The following UNKL variants were observed in gnomAD, a reference collection of about 807,000 sequenced individuals.
The protein encoded by UNKL is putative E3 ubiquitin-protein ligase UNKL.
UNKL carries 60 observed loss-of-function variants against 78.0 expected under a neutral mutation model. That is an observed-to-expected ratio of 0.77 (90% CI 0.63 to 0.95). UNKL has a LOEUF of 0.95. Among genes scored for constraint, UNKL ranks in the 40% least tolerant of loss-of-function variants. UNKL has a pLI of 0.00. For missense variants in UNKL, 1,159 were observed against 1,045.7 expected, an observed-to-expected ratio of 1.11 and a Z score of -1.49; for synonymous variants, 608 against 474.8, an observed-to-expected ratio of 1.28 and a Z score of -3.65.
rs374937075 is a variant in UNKL, at chr16:1,411,549, G to A, written c.287+2297C>T. ...CCTGTCTCAAAAAACAAAAACAGCC[G>A]GGCGCGGTGGCTCATGCCTGTAATC... On this transcript the variant is annotated intron_variant, in intron 2 of 14. Coordinates refer to ENST00000389221, the MANE Select transcript of UNKL (RefSeq NM_001372107.1). Among the ~76,000 whole-genome samples the A allele has an allele frequency of 1.6e-4, 25 of 151,784 alleles. 1 individual carries two copies. The South Asian group carries it at 3.7e-3, about 23-fold the overall frequency.
At chr16:1,386,670 C>G (rs8057170) in intron 9 of UNKL, among the ~76,000 whole-genome samples, 140,221 of 152,268 alleles carry the variant, frequency 0.92, 64,663 homozygotes, top group East Asian at 1. Context: ...TAGTTTGTCT[C>G]CTTAAGTAAA....
intron 10 of UNKL, 103 bp downstream of exon 10, chr16:1,385,105 G>T: frequency 1.0e-6 from 1 of 958,182 alleles, no homozygotes; most frequent in South Asian, 5.0e-5. Context: ...CTACAAAAAT[G>T]ACGATTCTGT....
In UNKL at chr16:1,371,537, G is replaced by C. The variant is rs1256959589; in HGVS notation, c.1339C>G (p.His447Asp). The C allele has an allele frequency of 6.5e-7, 1 of 1,536,202 alleles. No individual in the cohort carries two copies. The highest frequency in any genetic ancestry group is 1.2e-5 in the South Asian group (1 of 84,060). The change falls in exon 11 of 15, where the codon CAC (histidine) becomes GAC (aspartate). Residue 447 changes from histidine to aspartate, a missense_variant. His to Asp is a moderately conservative substitution (Grantham distance 81, BLOSUM62 -1). Transcript: ENST00000389221. The part of the protein sequence containing the change: ...LEKDLEEQDG[H>D]DLGAAGPRSL... Reference sequence around the variant, plus strand: ...CCCTCACCTGCTGCTCCCAGGTCGTGGCCGTCTTGCTCTTCCAGGTCCTTC... The same window carrying C: ...CCCTCACCTGCTGCTCCCAGGTCGTCGCCGTCTTGCTCTTCCAGGTCCTTC...
chr16:1,409,201 C>A (rs936300782), intron 2 of UNKL, among the ~76,000 whole-genome samples: 2 of 152,152 alleles, frequency 1.3e-5, no homozygotes, highest in Non-Finnish European at 2.9e-5. Context: ...CGTGAGCCAC[C>A]GCGCCCAGCC....
At position 1,374,219 on chromosome 16, in the gene UNKL, T is replaced by C. The variant is rs186655315; in HGVS notation, c.1265-2608A>G. 3.2e-3 allele frequency among the ~76,000 whole-genome samples: 493 copies of C among 151,774 alleles called. 9 individuals carry two copies. The highest frequency in any genetic ancestry group is 5.6e-3 in the Non-Finnish European group (381 of 67,860). ...GTGGGGCACACCACACAGGGACTGT[T>C]GCGCAGGCGCCCTCCCCGCTGCCCA... On this transcript the variant is annotated intron_variant, in intron 10 of 14. Transcript: ENST00000389221.
At chr16:1,401,825 G>T in intron 3 of UNKL, 124 bp from the exon 4 acceptor site, 1 of 1,358,974 alleles carries the variant, frequency 7.4e-7, no homozygotes, top group Non-Finnish European at 9.8e-7. Context: ...AAGGGTTCAG[G>T]ACGGAGTCTC....
chr16:1,375,012 G>A (rs567093112), intron 10 of UNKL, among the ~76,000 whole-genome samples: 10 of 152,322 alleles, frequency 6.6e-5, no homozygotes, highest in Admixed American at 5.2e-4. Context: ...CCAGGCCTCC[G>A]CTTCTCCTCC....
At chr16:1,370,911 G>C (rs993015014) in intron 11 of UNKL, among the ~76,000 whole-genome samples, 1 of 152,026 alleles carries the variant, frequency 6.6e-6, no homozygotes, top group African/African-American at 2.4e-5. Context: ...GTGAAACCCC[G>C]TCTCTATTAA....
chr16:1,394,272 C>T (rs573110673), intron 6 of UNKL, 57 bp from the exon 7 acceptor site: 1 of 1,525,360 alleles, frequency 6.6e-7, no homozygotes, highest in East Asian at 2.5e-5. Flanking sequence ...TGTGGAAAGA[C>T]CACAGCTGGC....
At chr16:1,391,512 G>A (rs935396982) in intron 8 of UNKL, among the ~76,000 whole-genome samples, 8 of 152,026 alleles carry the variant, frequency 5.3e-5, no homozygotes, top group Admixed American at 2.0e-4. Flanking sequence ...TTGCCTAGGC[G>A]GGTCTCGAAC....
chr16:1,403,463 GA>G lies in UNKL; in HGVS notation c.288-120del. 2.4e-6 allele frequency: 3 copies of G among 1,239,298 alleles called. No homozygotes were observed. Among genetic ancestry groups the G allele is most frequent in the Non-Finnish European group, 3.3e-6 (3 of 901,722 alleles). The allele number at this position is 1,239,298 out of a possible 1,614,324, so 76.8% of individuals were successfully genotyped here. On this transcript the variant is annotated intron_variant, in intron 2 of 14. Transcript: ENST00000389221. This position sits in a 1 kb window ranked among gnomAD's most constrained non-coding sequence, Gnocchi z 4.8. The stretch of plus-strand genomic sequence containing the variant: ...CAGTGAATTCCCTTCCCTTCTTCCA[GA>G]TTCCTGTTCTAATCAGAAGGACGGA...
chr16:1,381,157 AC>A (rs1271882046), intron 10 of UNKL, among the ~76,000 whole-genome samples: 1 of 152,232 alleles, frequency 6.6e-6, no homozygotes, highest in Non-Finnish European at 1.5e-5. Context: ...GCACACAGGC[AC>A]CTGGGTCGAC....
rs747449164 is a variant in UNKL, at chr16:1,403,249, C to T, written c.383G>A (p.Arg128His). Residue 128 changes from arginine (R) to histidine (H), a missense_variant, in exon 3 of 15, where the codon CGT (arginine) becomes CAT (histidine). Physicochemically the swap from Arg to His is conservative, Grantham distance 29. Transcript: ENST00000389221. This position sits in a 1 kb window ranked among gnomAD's most constrained non-coding sequence, Gnocchi z 4.8. ...TGTCIHETDA[R>H]GHCVKNGLHC... is the part of the protein sequence containing the mutation. Reference sequence around the variant, plus strand: ...CAGCCCATTCTTCACGCAGTGGCCACGTGCGTCTGTCTCGTGGATGCAGGT... The same window carrying T: ...CAGCCCATTCTTCACGCAGTGGCCATGTGCGTCTGTCTCGTGGATGCAGGT... 5 of 1,614,212 alleles carry T rather than the reference C, an allele frequency of 3.1e-6. No homozygotes were observed. The South Asian group carries it at 3.3e-5, about 11-fold the overall frequency.
chr16:1,371,534 C>T lies in UNKL; in HGVS notation c.1342G>A (p.Asp448Asn), dbSNP rs778419591. Residue 448 changes from aspartate (D) to asparagine (N), a missense_variant, in exon 11 of 15, where the codon GAC (aspartate) becomes AAC (asparagine). Transcript: ENST00000389221. ...CCACCCTCACCTGCTGCTCCCAGGT[C>T]GTGGCCGTCTTGCTCTTCCAGGTCC... is the stretch of plus-strand genomic sequence containing the variant. ...EKDLEEQDGH[D>N]LGAAGPRSLA... The T allele has an allele frequency of 7.2e-6, 11 of 1,536,044 alleles. No individual in the cohort carries two copies. Among genetic ancestry groups the T allele is most frequent in the East Asian group, 4.9e-5 (2 of 40,924 alleles).
At position 1,370,286 on chromosome 16, in the gene UNKL, A is replaced by T. The variant is rs1346668605; in HGVS notation, c.1429T>A (p.Ser477Thr). 1 of 1,533,900 alleles carries T rather than the reference A, an allele frequency of 6.5e-7. No individual in the cohort carries two copies. Among genetic ancestry groups the T allele is most frequent in the Non-Finnish European group, 8.7e-7 (1 of 1,145,334 alleles). Residue 477 changes from serine (S) to threonine (T), a missense_variant, in exon 12 of 15, where the codon TCG becomes ACG. Transcript: ENST00000389221. ...GGCGAGGTGGACGCAGAGGATGGCG[A>T]GTGTAGCGATGGTGCTCTGGGCAGG... ...GSLPRAPSLH[S>T]PSSASTSPLG...
intron 9 of UNKL, among the ~76,000 whole-genome samples, chr16:1,388,649 G>A (rs2142110216): frequency 6.6e-6 from 1 of 152,298 alleles, no homozygotes; most frequent in South Asian, 2.1e-4. Flanking sequence ...CGGGCCTGGT[G>A]TGGGAGTCCA....
At chr16:1,392,282 G>A (rs573532320) in intron 8 of UNKL, among the ~76,000 whole-genome samples, 4 of 152,292 alleles carry the variant, frequency 2.6e-5, no homozygotes, top group Admixed American at 1.3e-4. Flanking sequence ...GAAGCCGGGC[G>A]TGAATTCCCT....
At chr16:1,371,695 C>A in intron 10 of UNKL, 84 bp from the exon 11 acceptor site, 1 of 1,418,334 alleles carries the variant, frequency 7.1e-7, no homozygotes. Context: ...GACCGTCCCA[C>A]CTGGGCTTAG....
rs770644861 is a variant in UNKL, at chr16:1,367,323, C to T, written c.1815G>A (p.Ala605=). The change falls in exon 14 of 15, where the codon GCG becomes GCA. Residue 605 remains alanine, a synonymous_variant. Coordinates refer to ENST00000389221, the MANE Select transcript of UNKL (RefSeq NM_001372107.1). The part of the protein sequence containing the change: ...KQVCDAWQRE[A]QEAKERARVA... Reference sequence around the variant, plus strand: ...CACGGGCACGCTCCTTGGCCTCCTGCGCCTCTCGCTGCCAGGCATCGCAGA... The same window carrying T: ...CACGGGCACGCTCCTTGGCCTCCTGTGCCTCTCGCTGCCAGGCATCGCAGA... The T allele has an allele frequency of 2.3e-5, 35 of 1,547,962 alleles. No individual in the cohort carries two copies. Among genetic ancestry groups the T allele is most frequent in the Admixed American group, 1.3e-4 (7 of 51,908 alleles).
Sources: allele counts gnomAD v4.1 joint callset (sites outside exome capture counted in the v4.1 genomes callset), GRCh38; gene constraint gnomAD v4.1.1; non-coding constraint Gnocchi (gnomAD v3.1); transcripts MANE v1.5; gene names NCBI Gene and HGNC (gene_info 2026-07-23, HGNC 2026-07-21).